Variants in ANO4 observed in about 807,000 individuals in gnomAD.
The protein encoded by ANO4 is anoctamin-4.
In ANO4, 69 loss-of-function variants were observed where a neutral mutation model predicts 141.9. The observed-to-expected ratio is 0.49, with a 90% confidence interval of 0.40 to 0.59. The LOEUF (loss-of-function observed/expected upper bound fraction) is 0.59. ANO4 is among the 20% of genes least tolerant of loss of function. ANO4 has a pLI of 0.00. For missense variants in ANO4, 894 were observed against 1,162.2 expected (o/e 0.77, Z 3.36); for synonymous variants, 350 against 394.3 (o/e 0.89, Z 1.33).
At chr12:100,752,977 C>G (rs2032451169) in intron 3 of ANO4, among the ~76,000 whole-genome samples, 2 of 152,148 alleles carry the variant, frequency 1.3e-5, no homozygotes, top group African/African-American at 4.8e-5. Flanking sequence ...TTGGCTGGCT[C>G]TTGGCTGATC....
intron 2 of ANO4, among the ~76,000 whole-genome samples, chr12:100,737,449 T>G (rs1696879590): frequency 1.3e-5 from 2 of 152,140 alleles, no homozygotes; most frequent in African/African-American, 4.8e-5. Flanking sequence ...CAAGACCCCA[T>G]CCTTGAGCCA....
intron 7 of ANO4, among the ~76,000 whole-genome samples, chr12:100,975,929 G>A (rs2044163745): frequency 4.7e-5 from 3 of 63,558 alleles, no homozygotes; most frequent in Non-Finnish European, 3.0e-5. Context: ...CCTCTTTTCT[G>A]CCAAAAAAAA....
At chr12:101,044,495 T>C (rs1241420907) in intron 13 of ANO4, among the ~76,000 whole-genome samples, 1 of 152,244 alleles carries the variant, frequency 6.6e-6, no homozygotes, top group Non-Finnish European at 1.5e-5. Context: ...CGAAGACTTT[T>C]CCAAGAGCTA....
At chr12:101,070,979 C>T (rs977640052) in intron 14 of ANO4, among the ~76,000 whole-genome samples, 1 of 152,120 alleles carries the variant, frequency 6.6e-6, no homozygotes, top group African/African-American at 2.4e-5. Flanking sequence ...TATCATCTCT[C>T]CACAGTTAAA....
At chr12:100,954,006 C>T (rs1182455129) in intron 5 of ANO4, among the ~76,000 whole-genome samples, 2 of 152,076 alleles carry the variant, frequency 1.3e-5, no homozygotes, top group African/African-American at 2.4e-5. Flanking sequence ...TGGAGAGGCC[C>T]GACCTAGTTG....
intron 1 of ANO4, among the ~76,000 whole-genome samples, chr12:100,869,897 C>T (rs117589770): frequency 3.7e-3 from 563 of 152,314 alleles, no homozygotes; most frequent in Non-Finnish European, 5.1e-3. Flanking sequence ...TGCATTTCAT[C>T]TCCTACCACT....
At chr12:100,915,084 G>T (rs1467357722) in intron 2 of ANO4, among the ~76,000 whole-genome samples, 1 of 152,048 alleles carries the variant, frequency 6.6e-6, no homozygotes, top group Non-Finnish European at 1.5e-5. Flanking sequence ...GCCTCCTGCA[G>T]CTCTGGGGTT....
chr12:100,966,686 C>T (rs1490854841), intron 5 of ANO4, among the ~76,000 whole-genome samples: 1 of 152,044 alleles, frequency 6.6e-6, no homozygotes, highest in Non-Finnish European at 1.5e-5. Flanking sequence ...GTACCCCCAT[C>T]CCCCATGCCC....
chr12:100,974,024 G>A (rs868862602), intron 6 of ANO4, among the ~76,000 whole-genome samples: 1 of 152,136 alleles, frequency 6.6e-6, no homozygotes, highest in Non-Finnish European at 1.5e-5. Flanking sequence ...TACATAAAAA[G>A]CACCTGTTTC....
At chr12:101,079,334 C>T (rs1188227226) in intron 15 of ANO4, 59 bp downstream of exon 15, 8 of 1,398,320 alleles carry the variant, frequency 5.7e-6, no homozygotes, top group Non-Finnish European at 1.0e-6. Context: ...CCACACGACC[C>T]CCCCCCAAAA....
chr12:101,122,253 T>G (rs1478057604), intron 26 of ANO4, among the ~76,000 whole-genome samples: 1 of 152,222 alleles, frequency 6.6e-6, no homozygotes, highest in African/African-American at 2.4e-5. Flanking sequence ...TTTTACATGT[T>G]GATTTGTTTA....
At chr12:101,066,594 G>A in intron 14 of ANO4, 1 of 502,348 alleles carries the variant, frequency 2.0e-6, no homozygotes. Flanking sequence ...ACTGACGAAA[G>A]AAATGGAAGA....
chr12:100,969,609 A>T (rs867477602), intron 5 of ANO4, among the ~76,000 whole-genome samples: 1 of 152,240 alleles, frequency 6.6e-6, no homozygotes, highest in Non-Finnish European at 1.5e-5. Flanking sequence ...CTGCAATTTG[A>T]AAACAATTTC....
intron 3 of ANO4, among the ~76,000 whole-genome samples, chr12:100,757,317 A>G (rs776118748): frequency 1.3e-5 from 2 of 152,114 alleles, no homozygotes; most frequent in Non-Finnish European, 2.9e-5. Flanking sequence ...CTCATTTTCC[A>G]TATGGCTGTC....
intron 2 of ANO4, among the ~76,000 whole-genome samples, chr12:100,916,944 T>A (rs965864116): frequency 3.3e-5 from 5 of 151,658 alleles, no homozygotes; most frequent in Non-Finnish European, 4.4e-5. Context: ...GATTGCATCA[T>A]TGAACTCCAG....
At chr12:100,846,199 A>G (rs1024398185) in intron 1 of ANO4, among the ~76,000 whole-genome samples, 11 of 152,362 alleles carry the variant, frequency 7.2e-5, no homozygotes, top group Non-Finnish European at 1.5e-4. Flanking sequence ...CCTTGAATGA[A>G]TTAGTAGTAA....
chr12:100,796,082 TCAAAG>T (rs1356735040), intron 1 of ANO4, among the ~76,000 whole-genome samples: 2 of 150,210 alleles, frequency 1.3e-5, no homozygotes, highest in Non-Finnish European at 3.0e-5. Flanking sequence ...ACTATTTTGG[TCAAAG>T]CATCATTCCA....
intron 1 of ANO4, among the ~76,000 whole-genome samples, chr12:100,856,545 T>C (rs969065812): frequency 3.3e-5 from 5 of 152,080 alleles, no homozygotes; most frequent in African/African-American, 4.8e-5. Context: ...AAGACAATGA[T>C]AGAAATGAGT....
At chr12:100,779,032 T>TA (rs1565870769) in intron 3 of ANO4, among the ~76,000 whole-genome samples, 1 of 151,074 alleles carries the variant, frequency 6.6e-6, no homozygotes, top group Non-Finnish European at 1.5e-5. Flanking sequence ...GAGCATGTAT[T>TA]ACTACTACTA....
Sources: allele counts gnomAD v4.1 joint callset (sites outside exome capture counted in the v4.1 genomes callset), GRCh38; gene constraint gnomAD v4.1.1; transcripts MANE v1.5; gene names NCBI Gene and HGNC (gene_info 2026-07-23, HGNC 2026-07-21).